Variants in DOK6 observed in about 807,000 individuals in gnomAD.
DOK6 encodes the protein downstream of tyrosine kinase 6.
A neutral mutation model predicts 44.0 loss-of-function variants in DOK6; 22 were observed. The ratio of observed to expected loss-of-function variants is 0.50; its 90% CI spans 0.36 to 0.71. The LOEUF is 0.71. DOK6 is among the 30% of genes least tolerant of loss of function. The pLI is 0.00. For missense variants in DOK6, 340 were observed against 416.4 expected, an observed-to-expected ratio of 0.82 and a Z score of 1.60; for synonymous variants, 166 against 145.5, an observed-to-expected ratio of 1.14 and a Z score of -1.01.
intron 1 of DOK6, among the ~76,000 whole-genome samples, chr18:69,452,684 C>G (rs1327659814): frequency 6.7e-6 from 1 of 148,626 alleles, no homozygotes; most frequent in Non-Finnish European, 1.5e-5. Flanking sequence ...CAAACCGAAT[C>G]CAGCAGCACA....
chr18:69,739,222 C>G, intron 6 of DOK6, 119 bp downstream of exon 6: 1 of 1,364,828 alleles, frequency 7.3e-7, no homozygotes, highest in African/African-American at 1.5e-5. Flanking sequence ...CTGCCCTGAT[C>G]CTGAGGGCTT....
intron 3 of DOK6, among the ~76,000 whole-genome samples, chr18:69,626,258 A>G (rs1984554455): frequency 6.6e-6 from 1 of 152,224 alleles, no homozygotes; most frequent in African/African-American, 2.4e-5. Context: ...TGATCTCTAA[A>G]TGACACAATT....
intron 3 of DOK6, among the ~76,000 whole-genome samples, chr18:69,631,174 C>T (rs1266888015): frequency 6.6e-6 from 1 of 152,108 alleles, no homozygotes; most frequent in Non-Finnish European, 1.5e-5. Flanking sequence ...CCGGATCAAA[C>T]ATCAAGGAAA....
At chr18:69,564,815 T>C (rs1024120923) in intron 2 of DOK6, among the ~76,000 whole-genome samples, 1 of 152,230 alleles carries the variant, frequency 6.6e-6, no homozygotes, top group Non-Finnish European at 1.5e-5. Context: ...ATTGCTACTT[T>C]GCAAAATGAG....
At chr18:69,415,483 T>C (rs1014021221) in intron 1 of DOK6, among the ~76,000 whole-genome samples, 1 of 152,112 alleles carries the variant, frequency 6.6e-6, no homozygotes, top group African/African-American at 2.4e-5. Flanking sequence ...GTTTGAATCA[T>C]GAGACCACCC....
At chr18:69,562,970 C>T (rs984198779) in intron 1 of DOK6, among the ~76,000 whole-genome samples, 11 of 152,046 alleles carry the variant, frequency 7.2e-5, no homozygotes, top group Non-Finnish European at 1.2e-4. Flanking sequence ...AACAAACCAC[C>T]CCATCAAAAA....
At chr18:69,564,130 T>G (rs1179581589) in intron 1 of DOK6, among the ~76,000 whole-genome samples, 1 of 152,182 alleles carries the variant, frequency 6.6e-6, no homozygotes, top group East Asian at 1.9e-4. Context: ...ATTATGTAAG[T>G]GCTTCACTTA....
At chr18:69,802,486 G>A (rs1980931147) in intron 7 of DOK6, among the ~76,000 whole-genome samples, 2 of 151,986 alleles carry the variant, frequency 1.3e-5, no homozygotes, top group Admixed American at 6.6e-5. Flanking sequence ...AAGATGTTAT[G>A]GTTTGGATGT....
intron 3 of DOK6, among the ~76,000 whole-genome samples, chr18:69,611,302 A>G (rs1181078274): frequency 1.3e-5 from 2 of 152,140 alleles, no homozygotes; most frequent in Non-Finnish European, 2.9e-5. Flanking sequence ...AATTAGCCAC[A>G]CCACCAAGTG....
Position 69,446,746 on chromosome 18 carries a change from A to G in DOK6, c.66+45436A>G, listed in dbSNP as rs1979306200. On this transcript the variant is annotated intron_variant, in intron 1 of 7. Coordinates refer to ENST00000382713, the MANE Select transcript of DOK6 (RefSeq NM_152721.6). ...GTTTCCTGACTTTTTAGTGATCACC[A>G]TTCTAACTGGTTTGAGATGGTATCT... Among the ~76,000 whole-genome samples the G allele has an allele frequency of 2.0e-5, 3 of 152,250 alleles. No individual in the cohort carries two copies. The South Asian group carries it at 6.2e-4, about 32-fold the overall frequency.
chr18:69,567,743 A>C (rs1390876898), intron 2 of DOK6, among the ~76,000 whole-genome samples: 1 of 152,186 alleles, frequency 6.6e-6, no homozygotes, highest in Non-Finnish European at 1.5e-5. Context: ...TTCAAGCCCC[A>C]GCTGAGGTCC....
intron 1 of DOK6, among the ~76,000 whole-genome samples, chr18:69,476,262 G>T (rs538539369): frequency 8.5e-5 from 13 of 152,170 alleles, no homozygotes; most frequent in African/African-American, 3.1e-4. Context: ...TAGGATATAA[G>T]AATAGGTTTT....
chr18:69,824,788 CG>C (rs1395686446), intron 7 of DOK6, among the ~76,000 whole-genome samples: 2 of 152,138 alleles, frequency 1.3e-5, no homozygotes, highest in Non-Finnish European at 2.9e-5. Context: ...AGATTGGTAC[CG>C]CCCTGTCCTG....
Position 69,849,066 on chromosome 18 carries a change from G to A in DOK6, c.*7683G>A, listed in dbSNP as rs1982415019. On this transcript the variant is annotated 3_prime_UTR_variant, in exon 8 of 8. Transcript: ENST00000382713. ...TTGCTATTTTGAAAATAAAGTGAAA[G>A]AAGGCCCTTTATTAAATGAAAGGTT... 1 of 152,154 alleles carries A rather than the reference G, an allele frequency of 6.6e-6. No individual in the cohort carries two copies. The highest frequency in any genetic ancestry group is 2.4e-5 in the African/African-American group (1 of 41,446). 9.4% of individuals were successfully genotyped at this position (152,154 alleles called of 1,614,324 possible). A position where few individuals can be genotyped will look rare whatever the true frequency, so the allele number is the denominator to read the frequency against.
At chr18:69,742,056 C>T (rs1978819794) in intron 6 of DOK6, among the ~76,000 whole-genome samples, 1 of 152,144 alleles carries the variant, frequency 6.6e-6, no homozygotes, top group African/African-American at 2.4e-5. Context: ...ACATATTTGA[C>T]ATATATCCAT....
intron 1 of DOK6, among the ~76,000 whole-genome samples, chr18:69,501,058 T>C (rs1981035936): frequency 6.6e-6 from 1 of 152,162 alleles, no homozygotes; most frequent in Non-Finnish European, 1.5e-5. Flanking sequence ...AATGGGGTAC[T>C]GAACAAACAC....
intron 5 of DOK6, among the ~76,000 whole-genome samples, chr18:69,726,554 T>C (rs1002156795): frequency 2.6e-5 from 4 of 152,164 alleles, no homozygotes; most frequent in African/African-American, 9.7e-5. Context: ...GTTGGACTCT[T>C]AGTCCATTTG....
At chr18:69,806,231 A>C (rs1981048790) in intron 7 of DOK6, among the ~76,000 whole-genome samples, 1 of 151,968 alleles carries the variant, frequency 6.6e-6, no homozygotes, top group Non-Finnish European at 1.5e-5. Flanking sequence ...ATAGCTAAGA[A>C]AATTAGTTTT....
chr18:69,640,614 A>C (rs1012834042), intron 3 of DOK6, among the ~76,000 whole-genome samples: 1 of 152,210 alleles, frequency 6.6e-6, no homozygotes, highest in Non-Finnish European at 1.5e-5. Flanking sequence ...ACAGAGAGAC[A>C]GGGACTGAGA....
Sources: allele counts gnomAD v4.1 joint callset (sites outside exome capture counted in the v4.1 genomes callset), GRCh38; gene constraint gnomAD v4.1.1; transcripts MANE v1.5; gene names NCBI Gene and HGNC (gene_info 2026-07-23, HGNC 2026-07-21).